SLFN12L: variants seen among roughly 807,000 people sequenced by gnomAD.
SLFN12L encodes the protein schlafen family member 12-like.
A neutral mutation model predicts 34.8 loss-of-function variants in SLFN12L; 34 were observed. The ratio of observed to expected loss-of-function variants is 0.98; its 90% CI spans 0.74 to 1.30. The LOEUF is 1.30. SLFN12L is among the 50% of genes most tolerant of loss of function. The pLI is 0.00. For synonymous variants in SLFN12L, 259 were observed against 247.5 expected, an observed-to-expected ratio of 1.05 and a Z score of -0.44; for missense variants, 703 against 696.2, an observed-to-expected ratio of 1.01 and a Z score of -0.11.
intron 2 of SLFN12L, among the ~76,000 whole-genome samples, chr17:35,494,229 A>T (rs1336704359): frequency 1.8e-5 from 1 of 55,034 alleles, no homozygotes; most frequent in Non-Finnish European, 4.6e-5. Context: ...AATATAATGT[A>T]AAAAAAAAAC....
chr17:35,521,780 G>C (rs1162888431), intron 2 of SLFN12L, among the ~76,000 whole-genome samples: 4 of 152,224 alleles, frequency 2.6e-5, no homozygotes, highest in Admixed American at 2.6e-4. Flanking sequence ...AAGCTGAGGT[G>C]AGAGGATTGC....
chr17:35,529,610 C>T (rs2072370881), intron 1 of SLFN12L, among the ~76,000 whole-genome samples: 1 of 151,640 alleles, frequency 6.6e-6, no homozygotes, highest in South Asian at 2.1e-4. Context: ...AACCAAATAC[C>T]ACATGTTCTC....
At position 35,465,710 on chromosome 17, in the gene SLFN12L, G is replaced by T. The variant is rs115765061; in HGVS notation, c.*9213C>A. On this transcript the variant is annotated 3_prime_UTR_variant, in exon 5 of 5. Coordinates refer to ENST00000628453, the MANE Select transcript of SLFN12L (RefSeq NM_001363830.2). ...AAGCAGCAGGCACCTCACGGTGGAG[G>T]ACTACAACATTATTGCTGTGGTCTT... Among the ~76,000 whole-genome samples the T allele has an allele frequency of 0.019, 2,833 of 149,966 alleles. 88 individuals are homozygous for T. Among genetic ancestry groups the T allele is most frequent in the African/African-American group, 0.066 (2,674 of 40,530 alleles).
In SLFN12L at chr17:35,475,202, T is replaced by C. The variant is rs766629518; in HGVS notation, c.1560A>G (p.Leu520=). Residue 520 remains leucine (L), a synonymous_variant, in exon 5 of 5, where the codon TTA becomes TTG. Transcript: ENST00000628453. The stretch of plus-strand genomic sequence containing the variant: ...CACCAATTTTTGCCAGCTTCTGTTT[T>C]AAAGTTTGGGCAGTTTGTGTAGAAT... ...KDYSTQTAQT[L]KQKLAKIGGY... is the part of the protein sequence containing the mutation. 2.2e-5 allele frequency: 35 copies of C among 1,614,214 alleles called. No homozygotes were observed. The highest frequency in any genetic ancestry group is 3.0e-5 in the Non-Finnish European group (35 of 1,180,034).
chr17:35,491,857 C>A (rs367968004), intron 2 of SLFN12L, among the ~76,000 whole-genome samples: 1 of 152,226 alleles, frequency 6.6e-6, no homozygotes, highest in Non-Finnish European at 1.5e-5. Flanking sequence ...CCACAGGCTT[C>A]TGGATGAAGA....
chr17:35,508,955 G>T (rs1915552993), intron 2 of SLFN12L, among the ~76,000 whole-genome samples: 1 of 152,112 alleles, frequency 6.6e-6, no homozygotes, highest in African/African-American at 2.4e-5. Context: ...TTAAGACTCT[G>T]GCCACTACTG....
At position 35,467,954 on chromosome 17, in the gene SLFN12L, G is replaced by A. The variant is rs1913741390; in HGVS notation, c.*6969C>T. ...AGACAAGGTCTCACTCTGTTACCCA[G>A]GCTGGAGTGCAGTGGCGTGATCACG... is the stretch of plus-strand genomic sequence containing the variant. On this transcript the variant is annotated 3_prime_UTR_variant, in exon 5 of 5. Coordinates refer to ENST00000628453, the MANE Select transcript of SLFN12L (RefSeq NM_001363830.2). 6.6e-6 allele frequency among the ~76,000 whole-genome samples: 1 copy of A among 152,160 alleles called. No individual in the cohort carries two copies. The highest frequency in any genetic ancestry group is 2.4e-5 in the African/African-American group (1 of 41,422).
At chr17:35,530,699 G>T (rs1210499301) in intron 1 of SLFN12L, among the ~76,000 whole-genome samples, 2 of 151,876 alleles carry the variant, frequency 1.3e-5, no homozygotes, top group African/African-American at 2.4e-5. Context: ...TTATTTCAAA[G>T]AACTTGTATT....
intron 2 of SLFN12L, among the ~76,000 whole-genome samples, chr17:35,480,877 G>T (rs922505287): frequency 6.6e-6 from 1 of 151,676 alleles, no homozygotes. Flanking sequence ...AGCTCTTCCA[G>T]TATAATAAAG....
intron 2 of SLFN12L, among the ~76,000 whole-genome samples, chr17:35,505,219 TCGGCCC>T: frequency 6.6e-6 from 1 of 152,162 alleles, no homozygotes; most frequent in African/African-American, 2.4e-5. Flanking sequence ...AAAACTCATG[TCGGCCC>T]CAGCCCTGGG....
chr17:35,519,629 T>C (rs1422435542), intron 2 of SLFN12L, among the ~76,000 whole-genome samples: 7 of 152,150 alleles, frequency 4.6e-5, no homozygotes, highest in Admixed American at 6.5e-5. Flanking sequence ...GAACTGCACT[T>C]ATGACACCTG....
chr17:35,490,719 A>AAAGGT, intron 2 of SLFN12L: 2 of 1,406,222 alleles, frequency 1.4e-6, no homozygotes, highest in South Asian at 2.3e-5. Flanking sequence ...CTTACGTTAC[A>AAAGGT]TATCAACATA....
At position 35,480,262 on chromosome 17, in the gene SLFN12L, A is replaced by C; in HGVS notation, c.87-67T>G. 4.8e-6 allele frequency: 6 copies of C among 1,241,406 alleles called. No individual in the cohort carries two copies. The East Asian group carries it at 1.5e-4, about 32-fold the overall frequency. The allele number at this position is 1,241,406 out of a possible 1,614,324, so 76.9% of individuals were successfully genotyped here. A position where few individuals can be genotyped will look rare whatever the true frequency, so the allele number is the denominator to read the frequency against. On this transcript the variant is annotated intron_variant, in intron 2 of 4. Transcript: ENST00000628453. ...ACAGCAAATTCTGCATTATGAGGCA[A>C]ACGTAGAAAAATCCTTTACTGTATA...
Position 35,474,691 on chromosome 17 carries a change from G to C in SLFN12L, c.*232C>G, listed in dbSNP as rs57141959. 8.1e-5 allele frequency: 30 copies of C among 372,212 alleles called. No homozygotes were observed. Among genetic ancestry groups the C allele is most frequent in the Non-Finnish European group, 1.2e-4 (25 of 204,242 alleles). 23.1% of individuals were successfully genotyped at this position (372,212 alleles called of 1,614,324 possible). Reference sequence around the variant, plus strand: ...ACTCCTAGCACTTTGGGAGACCGGGGGGGGGGGTTGAATCACGAGGTCAGG... The same window carrying C: ...ACTCCTAGCACTTTGGGAGACCGGGCGGGGGGGTTGAATCACGAGGTCAGG... On this transcript the variant is annotated 3_prime_UTR_variant, in exon 5 of 5. Transcript: ENST00000628453.
In SLFN12L at chr17:35,479,947, T is replaced by C; in HGVS notation, c.335A>G (p.Tyr112Cys). ...KAEVENKGYS[Y>C]KKDGIGLDLE... ...ATCTAGCCCTATTCCATCTTTTTTA[T>C]AACTATAGCCTTTATTCTCAACTTC... The change falls in exon 3 of 5, where the codon TAT becomes TGT. Residue 112 changes from tyrosine (Y) to cysteine (C), a missense_variant. Tyr to Cys is a radical substitution (Grantham distance 194, BLOSUM62 -2). Transcript: ENST00000628453. The C allele has an allele frequency of 6.2e-7, 1 of 1,614,192 alleles. No individual in the cohort carries two copies. Among genetic ancestry groups the C allele is most frequent in the Non-Finnish European group, 8.5e-7 (1 of 1,180,016 alleles).
In SLFN12L at chr17:35,467,558, T is replaced by A. The variant is rs1913735111; in HGVS notation, c.*7365A>T. 6.6e-6 allele frequency among the ~76,000 whole-genome samples: 1 copy of A among 152,216 alleles called. No homozygotes were observed. On this transcript the variant is annotated 3_prime_UTR_variant, in exon 5 of 5. Transcript: ENST00000628453. ...CCCTAATAGGTCCCAAATAGCCAGT[T>A]TAACAGAGAGACATAAGAGTCTCCC... is the stretch of plus-strand genomic sequence containing the variant.
rs1022659735 is a variant in SLFN12L, at chr17:35,465,002, A to G, written c.*9921T>C. ...AGTGATTCTCCTGCCTCAGCTTCCC[A>G]AGTAGCTGGGACTACGGGAGCACAC... On this transcript the variant is annotated 3_prime_UTR_variant, in exon 5 of 5. Transcript: ENST00000628453. 5.3e-5 allele frequency among the ~76,000 whole-genome samples: 8 copies of G among 152,062 alleles called. No individual in the cohort carries two copies. Among genetic ancestry groups the G allele is most frequent in the Admixed American group, 5.2e-4 (8 of 15,270 alleles).
chr17:35,488,641 A>G (rs996030928), intron 2 of SLFN12L, among the ~76,000 whole-genome samples: 1 of 152,166 alleles, frequency 6.6e-6, no homozygotes, highest in African/African-American at 2.4e-5. Context: ...TGAGGAGTTC[A>G]CCAGTCTGAA....
chr17:35,511,087 T>C (rs536992676), intron 2 of SLFN12L, among the ~76,000 whole-genome samples: 5 of 152,240 alleles, frequency 3.3e-5, no homozygotes, highest in Non-Finnish European at 7.3e-5. Context: ...TTGACTGTAA[T>C]GTATACATTT....
Sources: gnomAD v4.1 joint callset for allele counts (sites outside exome capture counted in the v4.1 genomes callset) on GRCh38, gnomAD v4.1.1 for gene constraint, MANE v1.5 for transcripts, NCBI Gene and HGNC (gene_info 2026-07-23, HGNC 2026-07-21) for gene names.